RUSC2: variants seen among roughly 807,000 people sequenced by gnomAD.
RUSC2 encodes AP-4 complex accessory subunit RUSC2.
A neutral mutation model predicts 122.2 loss-of-function variants in RUSC2; 34 were observed. The ratio of observed to expected loss-of-function variants is 0.28; its 90% confidence interval spans 0.21 to 0.37. RUSC2 has a LOEUF of 0.37. Ranked by LOEUF, RUSC2 falls within the 10% of genes least tolerant of loss-of-function variation. The pLI is 1.00. For synonymous variants in RUSC2, 784 were observed against 790.0 expected, an observed-to-expected ratio of 0.99 and a Z score of 0.13; for missense variants, 1,747 against 1,952.4, an observed-to-expected ratio of 0.89 and a Z score of 1.98.
chr9:35,507,797 A>T (rs965203562), intron 1 of RUSC2: 8 of 215,544 alleles, frequency 3.7e-5, no homozygotes, highest in African/African-American at 1.9e-4. Context: ...TCAATTTCAG[A>T]TCTGAGAAAA....
intron 1 of RUSC2, among the ~76,000 whole-genome samples, chr9:35,545,874 A>G (rs896913823): frequency 6.6e-6 from 1 of 152,202 alleles, no homozygotes; most frequent in African/African-American, 2.4e-5. Context: ...GGCTTGTAGG[A>G]CGAGAAAGGG....
intron 1 of RUSC2, among the ~76,000 whole-genome samples, chr9:35,494,240 C>T (rs562404005): frequency 1.3e-4 from 20 of 151,790 alleles, no homozygotes; most frequent in African/African-American, 4.6e-4. Flanking sequence ...CCGAGGCGGG[C>T]GGATCACCTA....
At chr9:35,552,587 A>G (rs1347836848) in intron 2 of RUSC2, among the ~76,000 whole-genome samples, 1 of 152,104 alleles carries the variant, frequency 6.6e-6, no homozygotes. Context: ...GCTTCCAAAA[A>G]GTTAAGATGA....
intron 4 of RUSC2, 29 bp downstream of exon 4, chr9:35,556,166 G>A (rs766515848): frequency 4.8e-5 from 77 of 1,610,140 alleles, no homozygotes; most frequent in Non-Finnish European, 5.9e-5. Flanking sequence ...CAGTACACCC[G>A]GGGCAGGCTC....
chr9:35,514,788 A>G (rs969935393), intron 1 of RUSC2, among the ~76,000 whole-genome samples: 1 of 152,188 alleles, frequency 6.6e-6, no homozygotes, highest in Admixed American at 6.5e-5. Flanking sequence ...TTGCTCGGCT[A>G]TCTCTAGGCC....
At chr9:35,496,690 G>T (rs1227317756) in intron 1 of RUSC2, among the ~76,000 whole-genome samples, 1 of 151,704 alleles carries the variant, frequency 6.6e-6, no homozygotes, top group East Asian at 1.9e-4. Flanking sequence ...ACCAGAAGGT[G>T]CAAGATCCTA....
chr9:35,496,010 C>T (rs1045078838), intron 1 of RUSC2, among the ~76,000 whole-genome samples: 3 of 152,012 alleles, frequency 2.0e-5, no homozygotes, highest in Non-Finnish European at 4.4e-5. Flanking sequence ...TAAAGTTGCT[C>T]CAAAACAGAT....
Position 35,561,265 on chromosome 9 carries a change from G to A in RUSC2, c.4434G>A (p.Gly1478=). Reference sequence around the variant, plus strand: ...AAGGAGACATCCTACGAGTGCTGGGGCGAGCTGGAGGAGACTGGCTGCGCT... The same window carrying A: ...AAGGAGACATCCTACGAGTGCTGGGACGAGCTGGAGGAGACTGGCTGCGCT... ...FHKGDILRVL[G]RAGGDWLRCS... The change falls in exon 12 of 12, where the codon GGG becomes GGA. Residue 1478 remains glycine (G), a synonymous_variant. Coordinates refer to ENST00000361226, the MANE Select transcript of RUSC2 (RefSeq NM_014806.5). The A allele has an allele frequency of 6.2e-7, 1 of 1,614,210 alleles. No homozygotes were observed. Among genetic ancestry groups the A allele is most frequent in the East Asian group, 2.2e-5 (1 of 44,878 alleles).
chr9:35,546,842 G>A lies in RUSC2; in HGVS notation c.321G>A (p.Glu107=), dbSNP rs1392238766. 1 of 1,610,802 alleles carries A rather than the reference G, an allele frequency of 6.2e-7. No individual in the cohort carries two copies. The highest frequency in any genetic ancestry group is 1.1e-5 in the South Asian group (1 of 90,342). The stretch of plus-strand genomic sequence containing the variant: ...GACACAACCCCTTCTTGCTGCAGGA[G>A]GGTGTGGGTGAGCCAGGACTTGGTG... ...PKRHNPFLLQ[E]GVGEPGLGDL... Residue 107 remains glutamate (E), a synonymous_variant, in exon 2 of 12, where the codon GAG becomes GAA. Transcript: ENST00000361226. The surrounding 1 kb of genome is among the most constrained non-coding windows in gnomAD (Gnocchi z 4.3).
In RUSC2 at chr9:35,547,809, C is replaced by A; in HGVS notation, c.1288C>A (p.Pro430Thr). The A allele has an allele frequency of 6.2e-7, 1 of 1,614,154 alleles. No homozygotes were observed. Among genetic ancestry groups the A allele is most frequent in the South Asian group, 1.1e-5 (1 of 91,080 alleles). Residue 430 changes from proline to threonine, a missense_variant, in exon 2 of 12, where the codon CCA becomes ACA. By Grantham distance (38) the Pro-to-Thr change is conservative. Transcript: ENST00000361226. The surrounding 1 kb of genome is among the most constrained non-coding windows in gnomAD (Gnocchi z 4.6). ...CSEEHTKISPPPGPGPDPGPS... is the reference protein window; with the variant it reads ...CSEEHTKISPTPGPGPDPGPS... ...TGAGGAACACACCAAGATAAGTCCCCCACCAGGCCCTGGCCCAGACCCAGG... is the reference window on the plus strand; with the variant it reads ...TGAGGAACACACCAAGATAAGTCCCACACCAGGCCCTGGCCCAGACCCAGG...
rs1182873277 is a variant in RUSC2 at position 35,546,988 on chromosome 9, G to A, written c.467G>A (p.Gly156Asp). The A allele has an allele frequency of 2.5e-6, 4 of 1,594,918 alleles. No individual in the cohort carries two copies. In the Admixed American group the frequency reaches 6.8e-5, roughly 27 times the overall value. Residue 156 changes from glycine (G) to aspartate (D), a missense_variant, in exon 2 of 12, where the codon GGC (glycine) becomes GAC (aspartate). Physicochemically the swap from Gly to Asp is moderately conservative, Grantham distance 94. Coordinates refer to ENST00000361226, the MANE Select transcript of RUSC2 (RefSeq NM_014806.5). This position sits in a 1 kb window ranked among gnomAD's most constrained non-coding sequence, Gnocchi z 4.3. Reference sequence around the variant, plus strand: ...CTGCCACCATCTGGCCCCAGAGTGGGCAGGCCATGGGGGACAACACGCAGT... The same window carrying A: ...CTGCCACCATCTGGCCCCAGAGTGGACAGGCCATGGGGGACAACACGCAGT... ...FQLPPSGPRV[G>D]RPWGTTRSRA... is the part of the protein sequence containing the mutation.
rs1468341721 is a variant in RUSC2 at position 35,560,337 on chromosome 9, G to C, written c.3697G>C (p.Gly1233Arg). The change falls in exon 10 of 12, where the codon GGT becomes CGT. Residue 1233 changes from glycine (G) to arginine (R), a missense_variant. Physicochemically the swap from Gly to Arg is moderately radical, Grantham distance 125. Coordinates refer to ENST00000361226, the MANE Select transcript of RUSC2 (RefSeq NM_014806.5). ...AAQGERVKGV[G>R]ASEGGEEEEE... ...CCAAGGGGAGCGGGTGAAGGGTGTG[G>C]GTGCCTCAGAAGGTGGAGAAGAGGA... is the stretch of plus-strand genomic sequence containing the variant. The C allele has an allele frequency of 1.2e-6, 2 of 1,610,236 alleles. No individual in the cohort carries two copies. The highest frequency in any genetic ancestry group is 1.7e-6 in the Non-Finnish European group (2 of 1,177,986).
In RUSC2 at chr9:35,561,085, C is replaced by G; in HGVS notation, c.4337C>G (p.Ser1446Cys). The change falls in exon 11 of 12, where the codon TCC becomes TGC. Residue 1446 changes from serine (S) to cysteine (C), a missense_variant. Ser to Cys is a moderately radical substitution (Grantham distance 112). Coordinates refer to ENST00000361226, the MANE Select transcript of RUSC2 (RefSeq NM_014806.5). ...GAGCCACACTCCCCAGCCCTGCCCT[C>G]CAGTCCTCCGTGGTAAGCCTGGGGA... ...LQEPHSPALP[S>C]SPPCEVQALC... 1 of 1,614,072 alleles carries G rather than the reference C, an allele frequency of 6.2e-7. No homozygotes were observed. The highest frequency in any genetic ancestry group is 2.2e-5 in the East Asian group (1 of 44,876).
intron 1 of RUSC2, chr9:35,538,626 C>T (rs779028111): frequency 3.3e-5 from 5 of 152,498 alleles, no homozygotes; most frequent in Non-Finnish European, 7.3e-5. Flanking sequence ...AAGGCTCTGC[C>T]CAGACATCTT....
At position 35,558,008 on chromosome 9, in the gene RUSC2, G is replaced by A. The variant is rs1219406624; in HGVS notation, c.3060+18G>A. Reference sequence around the variant, plus strand: ...GGGTGAAGGTAGGCAAGGAAATGTGGAGAGCTGAGCTCTGCCTGCAAGCCC... The same window carrying A: ...GGGTGAAGGTAGGCAAGGAAATGTGAAGAGCTGAGCTCTGCCTGCAAGCCC... On this transcript the variant is annotated intron_variant, in intron 6 of 11. Transcript: ENST00000361226. This position sits in a 1 kb window ranked among gnomAD's most constrained non-coding sequence, Gnocchi z 4.3. 2 of 1,608,084 alleles carry A rather than the reference G, an allele frequency of 1.2e-6. No individual in the cohort carries two copies. Among genetic ancestry groups the A allele is most frequent in the Non-Finnish European group, 1.7e-6 (2 of 1,174,616 alleles).
At chr9:35,545,350 G>A (rs1404399120) in intron 1 of RUSC2, among the ~76,000 whole-genome samples, 5 of 152,192 alleles carry the variant, frequency 3.3e-5, no homozygotes, top group South Asian at 2.1e-4. Flanking sequence ...GTGAGGAGTC[G>A]AAGGGAATGA....
intron 1 of RUSC2, among the ~76,000 whole-genome samples, chr9:35,542,021 A>G (rs928870314): frequency 2.0e-5 from 3 of 152,230 alleles, no homozygotes; most frequent in South Asian, 4.1e-4. Flanking sequence ...TGTAAGGATC[A>G]GTAAGATATG....
At position 35,546,664 on chromosome 9, in the gene RUSC2, C is replaced by A; in HGVS notation, c.143C>A (p.Pro48His). ...GSTRPNPFCP[P>H]ELGITQPDQD... The stretch of plus-strand genomic sequence containing the variant: ...ACAAGACCTAATCCCTTCTGCCCAC[C>A]TGAGCTGGGCATCACCCAGCCCGAT... The change falls in exon 2 of 12, where the codon CCT becomes CAT. Residue 48 changes from proline to histidine, a missense_variant. Coordinates refer to ENST00000361226, the MANE Select transcript of RUSC2 (RefSeq NM_014806.5). The surrounding 1 kb of genome is among the most constrained non-coding windows in gnomAD (Gnocchi z 4.3). 6.4e-7 allele frequency: 1 copy of A among 1,570,862 alleles called. No homozygotes were observed. The highest frequency in any genetic ancestry group is 8.6e-7 in the Non-Finnish European group (1 of 1,158,974).
chr9:35,532,837 A>G (rs1393205481), intron 1 of RUSC2, among the ~76,000 whole-genome samples: 1 of 152,108 alleles, frequency 6.6e-6, no homozygotes, highest in Non-Finnish European at 1.5e-5. Context: ...TTATAAGTTA[A>G]AAATGATAAC....
Sources: gnomAD v4.1 joint callset for allele counts (sites outside exome capture counted in the v4.1 genomes callset) on GRCh38, gnomAD v4.1.1 for gene constraint, Gnocchi (gnomAD v3.1) non-coding constraint, MANE v1.5 for transcripts, NCBI Gene and HGNC (gene_info 2026-07-23, HGNC 2026-07-21) for gene names.